Variants in HEBP1 observed in about 807,000 individuals in gnomAD.
The protein encoded by HEBP1 is heme binding protein 1.
HEBP1 carries 13 observed loss-of-function variants against 20.4 expected under a neutral mutation model. The observed-to-expected ratio is 0.64, with a 90% confidence interval of 0.42 to 1.01. The LOEUF (loss-of-function observed/expected upper bound fraction) is 1.01. Ranked by LOEUF, HEBP1 falls within the 50% of genes least tolerant of loss-of-function variation. The probability of loss-of-function intolerance (pLI) is 0.00; values close to 1 mark genes in which losing one functional copy is unlikely to be tolerated. For missense variants in HEBP1, 241 were observed against 247.3 expected, an observed-to-expected ratio of 0.97 and a Z score of 0.17; for synonymous variants, 92 against 90.7, an observed-to-expected ratio of 1.01 and a Z score of -0.08.
At chr12:12,990,618 G>A (rs1277918888) in intron 1 of HEBP1, among the ~76,000 whole-genome samples, 1 of 152,190 alleles carries the variant, frequency 6.6e-6, no homozygotes. Flanking sequence ...AATTCAGTTC[G>A]TGGCTTGACT....
intron 1 of HEBP1, among the ~76,000 whole-genome samples, chr12:12,995,615 G>A (rs1488130464): frequency 9.9e-5 from 15 of 152,116 alleles, no homozygotes; most frequent in Admixed American, 9.8e-4. Flanking sequence ...TGAACCACGG[G>A]ACCACTGTGA....
At chr12:12,999,096 C>A (rs1864323244) in intron 1 of HEBP1, among the ~76,000 whole-genome samples, 1 of 152,232 alleles carries the variant, frequency 6.6e-6, no homozygotes, top group Non-Finnish European at 1.5e-5. Flanking sequence ...TCTGTGCTCC[C>A]TGCGTAGCGC....
intron 1 of HEBP1, 59 bp from the exon 2 acceptor site, chr12:12,989,474 T>C: frequency 1.3e-5 from 21 of 1,572,150 alleles, no homozygotes; most frequent in Non-Finnish European, 1.8e-5. Flanking sequence ...GTGATGTCTC[T>C]AGAAGTAGTA....
intron 3 of HEBP1, chr12:12,984,417 T>G (rs1190642743): frequency 6.6e-6 from 1 of 152,228 alleles, no homozygotes; most frequent in Non-Finnish European, 1.5e-5. Context: ...TAGGAAATAT[T>G]CTCACCAAAA....
At chr12:12,997,258 C>T (rs1241343385) in intron 1 of HEBP1, among the ~76,000 whole-genome samples, 1 of 152,152 alleles carries the variant, frequency 6.6e-6, no homozygotes, top group Non-Finnish European at 1.5e-5. Context: ...GCAAGTGACA[C>T]TGTATCAATA....
At chr12:12,993,026 C>A (rs1051815274) in intron 1 of HEBP1, among the ~76,000 whole-genome samples, 3 of 152,188 alleles carry the variant, frequency 2.0e-5, no homozygotes, top group Admixed American at 2.0e-4. Flanking sequence ...GCAAGGTTCT[C>A]TAAAGCTATG....
intron 2 of HEBP1, among the ~76,000 whole-genome samples, chr12:12,987,904 G>A (rs1360236019): frequency 6.6e-6 from 1 of 152,124 alleles, no homozygotes; most frequent in Non-Finnish European, 1.5e-5. Context: ...CCAAAGTGCT[G>A]GGATTACAGG....
intron 1 of HEBP1, among the ~76,000 whole-genome samples, chr12:12,990,127 C>CACACACACACAA (rs1864202377): frequency 5.4e-5 from 1 of 18,566 alleles, no homozygotes; most frequent in African/African-American, 7.2e-5. Context: ...CACACACACA[C>CACACACACACAA]ACACACACAC....
intron 1 of HEBP1, among the ~76,000 whole-genome samples, chr12:12,997,626 G>A (rs749570150): frequency 1.8e-4 from 28 of 152,228 alleles, no homozygotes; most frequent in East Asian, 1.4e-3. Context: ...GCTGGGCGCC[G>A]GCTGACATCT....
chr12:12,978,402 C>G (rs1243339963), intron 3 of HEBP1, among the ~76,000 whole-genome samples: 1 of 151,732 alleles, frequency 6.6e-6, no homozygotes, highest in Admixed American at 6.6e-5. Context: ...GGGGTTTTGC[C>G]GTATTGGCCA....
In HEBP1 at chr12:12,989,297, G is replaced by A. The variant is rs770572537; in HGVS notation, c.197C>T (p.Ala66Val). The change falls in exon 2 of 4, where the codon GCG (alanine) becomes GTG (valine). Residue 66 changes from alanine (A) to valine (V), a missense_variant. Transcript: ENST00000014930. ...CTCACCCTTGTCATTGGTGCCCCCCGCATACTTTGCGACCTTGGGCATTGC... is the reference window on the plus strand; with the variant it reads ...CTCACCCTTGTCATTGGTGCCCCCCACATACTTTGCGACCTTGGGCATTGC... ...REAMPKVAKY[A>V]GGTNDKGIGM... 30 of 1,614,088 alleles carry A rather than the reference G, an allele frequency of 1.9e-5. No individual in the cohort carries two copies. In the South Asian group the frequency reaches 2.1e-4, roughly 11 times the overall value.
intron 1 of HEBP1, among the ~76,000 whole-genome samples, chr12:12,997,659 G>T (rs576690243): frequency 6.6e-6 from 1 of 152,284 alleles, no homozygotes; most frequent in African/African-American, 2.4e-5. Flanking sequence ...AGGCCGAATG[G>T]GTCAGCTTCC....
intron 2 of HEBP1, among the ~76,000 whole-genome samples, chr12:12,987,612 T>TCTCTCTGTCTC (rs1230851526): frequency 8.5e-6 from 1 of 117,786 alleles, no homozygotes. Context: ...CTCTCTCTCT[T>TCTCTCTGTCTC]TCTCTCTCTC....
Position 12,989,525 on chromosome 12 carries a change from G to A in HEBP1, c.79-110C>T, listed in dbSNP as rs529343020. On this transcript the variant is annotated intron_variant, in intron 1 of 3. Coordinates refer to ENST00000014930, the MANE Select transcript of HEBP1 (RefSeq NM_015987.5). The stretch of plus-strand genomic sequence containing the variant: ...ACTTTCCTTGGTGGGTATGGCCATA[G>A]AGCAGAAGGGACAGGCCTGAGTATG... 120 of 942,192 alleles carry A rather than the reference G, an allele frequency of 1.3e-4. 2 individuals carry two copies. The South Asian group carries it at 1.8e-3, about 14-fold the overall frequency. 58.4% of individuals were successfully genotyped at this position (942,192 alleles called of 1,614,324 possible).
In HEBP1 at chr12:13,000,244, G is replaced by C; in HGVS notation, c.-130C>G. ...CGGCAGGGCGGCAGGGTGGCAGGGC[G>C]GCAAGGCGGCGGGACGGCGAGGCGG... On this transcript the variant is annotated 5_prime_UTR_variant, in exon 1 of 4. Coordinates refer to ENST00000014930, the MANE Select transcript of HEBP1 (RefSeq NM_015987.5). The C allele has an allele frequency of 8.1e-6, 3 of 369,606 alleles. No homozygotes were observed. The highest frequency in any genetic ancestry group is 1.4e-5 in the Non-Finnish European group (3 of 208,236). 22.9% of individuals were successfully genotyped at this position (369,606 alleles called of 1,614,324 possible). A position where few individuals can be genotyped will look rare whatever the true frequency, so the allele number is the denominator to read the frequency against.
Position 12,986,991 on chromosome 12 carries a change from C to T in HEBP1, c.398+161G>A. The T allele has an allele frequency of 4.5e-6, 3 of 672,504 alleles. No homozygotes were observed. Among genetic ancestry groups the T allele is most frequent in the South Asian group, 1.9e-5 (1 of 52,592 alleles). The allele number at this position is 672,504 out of a possible 1,614,324, so 41.7% of individuals were successfully genotyped here. Reference sequence around the variant, plus strand: ...AAATGCAAATGTGTGTGTGCTGCAGCCTGAAGAAATTAAAATGAGAAACTG... The same window carrying T: ...AAATGCAAATGTGTGTGTGCTGCAGTCTGAAGAAATTAAAATGAGAAACTG... On this transcript the variant is annotated intron_variant, in intron 3 of 3. Transcript: ENST00000014930. The surrounding 1 kb of genome is among the most constrained non-coding windows in gnomAD (Gnocchi z 4.3).
At chr12:12,992,230 G>A (rs1864233077) in intron 1 of HEBP1, among the ~76,000 whole-genome samples, 1 of 152,154 alleles carries the variant, frequency 6.6e-6, no homozygotes, top group Admixed American at 6.5e-5. Context: ...TTGAGACAGA[G>A]TCTTGCTCTG....
chr12:12,976,176 G>GC (rs1863985425), intron 3 of HEBP1, among the ~76,000 whole-genome samples: 1 of 151,900 alleles, frequency 6.6e-6, no homozygotes, highest in Non-Finnish European at 1.5e-5. Context: ...ACTTGGGAGG[G>GC]CCCCACACAA....
chr12:12,999,105 G>A (rs1307506861), intron 1 of HEBP1, among the ~76,000 whole-genome samples: 1 of 152,138 alleles, frequency 6.6e-6, no homozygotes, highest in African/African-American at 2.4e-5. Flanking sequence ...CCTGCGTAGC[G>A]CATTTATATC....
Sources: gnomAD v4.1 joint callset for allele counts (sites outside exome capture counted in the v4.1 genomes callset) on GRCh38, gnomAD v4.1.1 for gene constraint, Gnocchi (gnomAD v3.1) non-coding constraint, MANE v1.5 for transcripts, NCBI Gene and HGNC (gene_info 2026-07-23, HGNC 2026-07-21) for gene names.